CNTN4: variants seen among roughly 807,000 people sequenced by gnomAD.
CNTN4 encodes contactin-4.
A neutral mutation model predicts 122.5 loss-of-function variants in CNTN4; 77 were observed. That is an observed-to-expected ratio of 0.63 (90% CI 0.52 to 0.76). The LOEUF is 0.76. CNTN4 is among the 30% of genes least tolerant of loss of function. The probability of loss-of-function intolerance (pLI) is 0.00; values close to 1 mark genes in which losing one functional copy is unlikely to be tolerated. For synonymous variants in CNTN4, 512 were observed against 447.0 expected (o/e 1.15, Z -1.83); for missense variants, 1,256 against 1,259.1 (o/e 1.00, Z 0.04).
chr3:2,175,224 G>C (rs1559312776), intron 2 of CNTN4, among the ~76,000 whole-genome samples: 1 of 152,034 alleles, frequency 6.6e-6, no homozygotes, highest in African/African-American at 2.4e-5. Flanking sequence ...ATGTTCATTA[G>C]TCTCCTAAAC....
intron 4 of CNTN4, among the ~76,000 whole-genome samples, chr3:2,593,458 T>C (rs759407627): frequency 2.0e-5 from 3 of 152,226 alleles, no homozygotes; most frequent in Non-Finnish European, 2.9e-5. Context: ...GTAATGCCAC[T>C]TACCAGTAGC....
chr3:2,923,876 T>C (rs1197059085), intron 12 of CNTN4, among the ~76,000 whole-genome samples: 2 of 152,194 alleles, frequency 1.3e-5, no homozygotes, highest in African/African-American at 2.4e-5. Flanking sequence ...ACCCTATCTT[T>C]TTCATAAACC....
Position 3,037,183 on chromosome 3 carries a change from A to G in CNTN4, c.1947A>G (p.Pro649=). Reference sequence around the variant, plus strand: ...CCACCTTTTGTTGTCTTTCAGTCCCAGAACTCATTGATGGGAAGACATTCA... The same window carrying G: ...CCACCTTTTGTTGTCTTTCAGTCCCGGAACTCATTGATGGGAAGACATTCA... ...SVGWQAVSTV[P]ELIDGKTFTA... is the part of the protein sequence containing the mutation. The change falls in exon 18 of 25, where the codon CCA becomes CCG. Residue 649 remains proline (P), a synonymous_variant. Coordinates refer to ENST00000418658, the MANE Select transcript of CNTN4 (RefSeq NM_175607.3). 4.3e-6 allele frequency: 7 copies of G among 1,614,164 alleles called. No individual in the cohort carries two copies. The highest frequency in any genetic ancestry group is 5.9e-6 in the Non-Finnish European group (7 of 1,180,010).
At chr3:2,207,984 A>C (rs958907242) in intron 2 of CNTN4, among the ~76,000 whole-genome samples, 1 of 152,114 alleles carries the variant, frequency 6.6e-6, no homozygotes, top group African/African-American at 2.4e-5. Context: ...GCACTTGGTC[A>C]CCTAAGAGCT....
At chr3:2,362,712 G>C in intron 3 of CNTN4, 1 of 340,550 alleles carries the variant, frequency 2.9e-6, no homozygotes, top group East Asian at 7.7e-5. Context: ...TCACTTACTT[G>C]GGAGCTGACA....
chr3:2,270,039 T>C (rs1287079050), intron 2 of CNTN4, among the ~76,000 whole-genome samples: 8 of 97,258 alleles, frequency 8.2e-5, no homozygotes, highest in African/African-American at 2.6e-4. Context: ...AAGCTCCGCT[T>C]CCCGGGTTCA....
At chr3:2,889,340 G>C (rs1449717258) in intron 10 of CNTN4, among the ~76,000 whole-genome samples, 1 of 152,184 alleles carries the variant, frequency 6.6e-6, no homozygotes, top group Admixed American at 6.5e-5. Flanking sequence ...TCATTCGTCT[G>C]TCTTCAAGAA....
intron 6 of CNTN4, among the ~76,000 whole-genome samples, chr3:2,796,101 T>A (rs1454851410): frequency 6.6e-6 from 1 of 152,172 alleles, no homozygotes; most frequent in Non-Finnish European, 1.5e-5. Flanking sequence ...GTTAAGGTTG[T>A]CTTTGTTGCT....
chr3:2,421,715 C>T (rs1220084510), intron 3 of CNTN4, among the ~76,000 whole-genome samples: 1 of 152,146 alleles, frequency 6.6e-6, no homozygotes, highest in Non-Finnish European at 1.5e-5. Flanking sequence ...GAAAATAGGG[C>T]AAACACCAAG....
At chr3:2,950,681 T>C (rs531387101) in intron 13 of CNTN4, among the ~76,000 whole-genome samples, 10 of 152,340 alleles carry the variant, frequency 6.6e-5, no homozygotes, top group Non-Finnish European at 1.3e-4. Context: ...TGAGCTCCCT[T>C]GTCAGTGCTT....
At position 2,309,312 on chromosome 3, in the gene CNTN4, C is replaced by G. The variant is rs140064305; in HGVS notation, c.-144-29866C>G. Among the ~76,000 whole-genome samples, 14 of 152,136 alleles carry G rather than the reference C, an allele frequency of 9.2e-5. No individual in the cohort carries two copies. The East Asian group carries it at 2.7e-3, about 29-fold the overall frequency. On this transcript the variant is annotated intron_variant, in intron 2 of 24. Coordinates refer to ENST00000418658, the MANE Select transcript of CNTN4 (RefSeq NM_175607.3). Reference sequence around the variant, plus strand: ...GGTTACTGTTTGCATATGTCCTTTTCTGTCTTTTAACTTTCAGCCTGTTTT... The same window carrying G: ...GGTTACTGTTTGCATATGTCCTTTTGTGTCTTTTAACTTTCAGCCTGTTTT...
chr3:2,641,157 C>A, intron 4 of CNTN4, among the ~76,000 whole-genome samples: 1 of 151,894 alleles, frequency 6.6e-6, no homozygotes, highest in East Asian at 1.9e-4. Context: ...ATGCACCAAA[C>A]GCATTACATT....
At chr3:2,765,589 A>C (rs1023623154) in intron 6 of CNTN4, among the ~76,000 whole-genome samples, 16 of 152,242 alleles carry the variant, frequency 1.1e-4, no homozygotes, top group Admixed American at 5.2e-4. Flanking sequence ...TTAAATTATT[A>C]ATCATCAATT....
Position 2,287,632 on chromosome 3 carries a change from G to A in CNTN4, c.-144-51546G>A, listed in dbSNP as rs138343653. Among the ~76,000 whole-genome samples, 372 of 49,436 alleles carry A rather than the reference G, an allele frequency of 7.5e-3. 3 individuals carry two copies. Among genetic ancestry groups the A allele is most frequent in the Middle Eastern group, 0.017 (2 of 118 alleles). 32.4% of individuals were successfully genotyped at this position (49,436 alleles called of 152,430 possible). On this transcript the variant is annotated intron_variant, in intron 2 of 24. Coordinates refer to ENST00000418658, the MANE Select transcript of CNTN4 (RefSeq NM_175607.3). ...AAAGAAGGAGAAGGAGAAGGAGAAG[G>A]AGAAGAAGAAGAAGAAGAAGAAGAA... is the stretch of plus-strand genomic sequence containing the variant.
chr3:2,359,238 C>G (rs1044332976), intron 3 of CNTN4, among the ~76,000 whole-genome samples: 1 of 151,834 alleles, frequency 6.6e-6, no homozygotes, highest in African/African-American at 2.4e-5. Context: ...GTAGAGTCAA[C>G]TTAGTTTTTA....
intron 2 of CNTN4, among the ~76,000 whole-genome samples, chr3:2,242,210 T>G (rs2039968289): frequency 6.6e-6 from 1 of 152,134 alleles, no homozygotes. Context: ...TTGCTTTGCT[T>G]CTCTAATGTA....
At chr3:3,033,750 C>T (rs1035499381) in intron 16 of CNTN4, among the ~76,000 whole-genome samples, 7 of 152,130 alleles carry the variant, frequency 4.6e-5, no homozygotes, top group South Asian at 2.1e-4. Context: ...GGGATAGCTG[C>T]GGGTCTTTGC....
rs1378349363 is a variant in CNTN4 at position 2,627,741 on chromosome 3, C to T, written c.55+56183C>T. On this transcript the variant is annotated intron_variant, in intron 4 of 24. Transcript: ENST00000418658. ...ATCTCCTGACCTTGTGATCTGCCCGCCTCGGCCTCCCAAAGTGCTGGGATT... is the reference window on the plus strand; with the variant it reads ...ATCTCCTGACCTTGTGATCTGCCCGTCTCGGCCTCCCAAAGTGCTGGGATT... Among the ~76,000 whole-genome samples the T allele has an allele frequency of 6.6e-5, 10 of 152,228 alleles. 1 individual carries two copies. The highest frequency in any genetic ancestry group is 4.1e-4 in the South Asian group (2 of 4,824).
chr3:2,960,077 G>A (rs1046277406), intron 13 of CNTN4, among the ~76,000 whole-genome samples: 2 of 152,128 alleles, frequency 1.3e-5, no homozygotes, highest in East Asian at 1.9e-4. Flanking sequence ...ATTTTCAGCT[G>A]AATTTTCTTA....
Sources: allele counts gnomAD v4.1 joint callset (sites outside exome capture counted in the v4.1 genomes callset), GRCh38; gene constraint gnomAD v4.1.1; transcripts MANE v1.5; gene names NCBI Gene and HGNC (gene_info 2026-07-23, HGNC 2026-07-21).